The following CNOT1 variants were observed in gnomAD, a reference collection of about 807,000 sequenced individuals.
The protein encoded by CNOT1 is CCR4-associated factor 1.
CNOT1 carries 15 observed loss-of-function variants against 273.8 expected under a neutral mutation model. That is an observed-to-expected ratio of 0.05 (90% CI 0.04 to 0.08). The LOEUF is 0.08. Among genes scored for constraint, CNOT1 ranks in the 10% least tolerant of loss-of-function variants. The pLI is 1.00. For missense variants in CNOT1, 1,644 were observed against 2,912.2 expected (o/e 0.56, Z 10.02); for synonymous variants, 1,022 against 1,005.5 (o/e 1.02, Z -0.31).
intron 16 of CNOT1, among the ~76,000 whole-genome samples, chr16:58,562,296 G>A (rs1214418236): frequency 1.3e-5 from 2 of 150,490 alleles, no homozygotes; most frequent in Non-Finnish European, 3.0e-5. Context: ...TGAGGAAGGA[G>A]TTTCGAGACC....
chr16:58,568,338 A>T (rs2041134169), intron 16 of CNOT1, among the ~76,000 whole-genome samples: 1 of 151,572 alleles, frequency 6.6e-6, no homozygotes, highest in Admixed American at 6.6e-5. Context: ...ACTGCACTCC[A>T]GGCTGGGCAA....
chr16:58,553,690 C>A, intron 22 of CNOT1, 92 bp downstream of exon 22: 1 of 1,412,344 alleles, frequency 7.1e-7, no homozygotes, highest in Admixed American at 2.7e-5. Flanking sequence ...AATCTTAATG[C>A]CATTACTATC....
At chr16:58,575,211 A>C in intron 14 of CNOT1, 82 bp from the exon 15 acceptor site, 1 of 1,546,686 alleles carries the variant, frequency 6.5e-7, no homozygotes, top group South Asian at 1.2e-5. Flanking sequence ...TTCGCTTTCC[A>C]CAAACAAGTT....
At chr16:58,580,825 T>C in intron 11 of CNOT1, 65 bp from the exon 12 acceptor site, 1 of 1,460,504 alleles carries the variant, frequency 6.8e-7, no homozygotes, top group Non-Finnish European at 9.3e-7. Flanking sequence ...CTGAAATGTT[T>C]TCACTAGGCT....
chr16:58,566,086 T>C (rs2041031750), intron 16 of CNOT1, among the ~76,000 whole-genome samples: 1 of 152,234 alleles, frequency 6.6e-6, no homozygotes, highest in Non-Finnish European at 1.5e-5. Context: ...AAACACATGA[T>C]GTAGGTTTCA....
At chr16:58,617,245 T>C (rs1276579189) in intron 1 of CNOT1, among the ~76,000 whole-genome samples, 1 of 152,008 alleles carries the variant, frequency 6.6e-6, no homozygotes, top group Non-Finnish European at 1.5e-5. Context: ...CCTGTAGCCC[T>C]GGCTACTTAG....
At chr16:58,537,321 G>T in intron 38 of CNOT1, 101 bp from the exon 39 acceptor site, 1 of 1,470,112 alleles carries the variant, frequency 6.8e-7, no homozygotes, top group East Asian at 2.4e-5. Flanking sequence ...CCACCAGAGT[G>T]GTTTACCACT....
intron 19 of CNOT1, 83 bp downstream of exon 19, chr16:58,556,764 T>C: frequency 3.3e-6 from 5 of 1,534,912 alleles, no homozygotes; most frequent in Non-Finnish European, 4.4e-6. Context: ...CATCAACACA[T>C]GGCCCTACTA....
At chr16:58,621,628 C>A (rs1364842717) in intron 1 of CNOT1, among the ~76,000 whole-genome samples, 2 of 150,666 alleles carry the variant, frequency 1.3e-5, no homozygotes, top group Admixed American at 6.6e-5. Context: ...ACAGAATATA[C>A]ACCACCATGG....
chr16:58,585,410 C>T lies in CNOT1; in HGVS notation c.734G>A (p.Gly245Glu), dbSNP rs1241800595. The T allele has an allele frequency of 3.7e-6, 6 of 1,613,854 alleles. No individual in the cohort carries two copies. Among genetic ancestry groups the T allele is most frequent in the African/African-American group, 1.3e-5 (1 of 75,012 alleles). Residue 245 changes from glycine to glutamate, a missense_variant, in exon 8 of 49, where the codon GGG (glycine) becomes GAG (glutamate). Physicochemically the swap from Gly to Glu is moderately conservative, Grantham distance 98 (BLOSUM62 -2). Transcript: ENST00000317147. ...GCTCTCCATCATGGTTTTAGCTACC[C>T]CTCCGGAATCAGGCAGGATCCTGTC... ...LMDRILPDSG[G>E]VAKTMMESSL...
At chr16:58,578,505 C>G (rs940868243) in intron 13 of CNOT1, among the ~76,000 whole-genome samples, 194 bp downstream of exon 13, 1 of 151,414 alleles carries the variant, frequency 6.6e-6, no homozygotes, top group Admixed American at 6.6e-5. Flanking sequence ...TATTTTGCCT[C>G]CTTGCTTTTG....
At chr16:58,595,177 T>C (rs1436220641) in intron 2 of CNOT1, among the ~76,000 whole-genome samples, 1 of 146,930 alleles carries the variant, frequency 6.8e-6, no homozygotes, top group Non-Finnish European at 1.5e-5. Flanking sequence ...ATGTGAAAAA[T>C]AAAGGAACCA....
chr16:58,547,736 T>C lies in CNOT1; in HGVS notation c.3523-54A>G. 1 of 1,534,440 alleles carries C rather than the reference T, an allele frequency of 6.5e-7. No homozygotes were observed. The highest frequency in any genetic ancestry group is 1.2e-5 in the South Asian group (1 of 83,340). On this transcript the variant is annotated intron_variant, in intron 25 of 48. Transcript: ENST00000317147. This position sits in a 1 kb window ranked among gnomAD's most constrained non-coding sequence, Gnocchi z 4.0. ...TGAGAATAAGCTTATGAAAGAAAAC[T>C]CAACTAAGTATTTGAGAATTCCATT...
chr16:58,536,727 T>A (rs2039941904), intron 39 of CNOT1, among the ~76,000 whole-genome samples: 1 of 152,216 alleles, frequency 6.6e-6, no homozygotes, highest in Non-Finnish European at 1.5e-5. Flanking sequence ...TTATTCATTA[T>A]CTGACCCATT....
chr16:58,557,086 A>T (rs1323486585), intron 18 of CNOT1, 93 bp from the exon 19 acceptor site: 3 of 1,439,536 alleles, frequency 2.1e-6, no homozygotes, highest in African/African-American at 1.4e-5. Context: ...AGACTTTTAA[A>T]ATAAAGTCAT....
chr16:58,560,535 C>CGATT (rs2040799421), intron 16 of CNOT1, among the ~76,000 whole-genome samples, 173 bp from the exon 17 acceptor site: 1 of 151,880 alleles, frequency 6.6e-6, no homozygotes, highest in Non-Finnish European at 1.5e-5. Context: ...CGGGTTCAAG[C>CGATT]GATTCTTCTG....
chr16:58,530,425 A>G (rs2039741897), intron 42 of CNOT1, 78 bp from the exon 43 acceptor site: 1 of 930,662 alleles, frequency 1.1e-6, no homozygotes, highest in Non-Finnish European at 1.7e-6. Flanking sequence ...AAGCAGCTAC[A>G]CTGACTTATC....
At position 58,558,641 on chromosome 16, in the gene CNOT1, T is replaced by C; in HGVS notation, c.2164A>G (p.Ile722Val). Residue 722 changes from isoleucine (I) to valine (V), a missense_variant, in exon 18 of 49, where the codon ATA (isoleucine) becomes GTA (valine). By Grantham distance (29) the Ile-to-Val change is conservative (BLOSUM62 3). Transcript: ENST00000317147. Reference protein sequence around the residue: ...DPLAGMTSLSIGGSAAPHTQS... With the variant: ...DPLAGMTSLSVGGSAAPHTQS... The stretch of plus-strand genomic sequence containing the variant: ...GTGTGAGGGGCAGCTGAACCACCTA[T>C]ACTAAGAGATGTCATTCCAGCAAGA... The C allele has an allele frequency of 1.2e-6, 2 of 1,613,864 alleles. No homozygotes were observed. The highest frequency in any genetic ancestry group is 1.1e-5 in the South Asian group (1 of 91,028).
chr16:58,589,412 C>T (rs193107412), intron 2 of CNOT1, among the ~76,000 whole-genome samples: 1 of 152,188 alleles, frequency 6.6e-6, no homozygotes, highest in Admixed American at 6.5e-5. Context: ...ACTCGCGAGG[C>T]TGAGGCAGGA....
Sources: allele counts gnomAD v4.1 joint callset (sites outside exome capture counted in the v4.1 genomes callset), GRCh38; gene constraint gnomAD v4.1.1; non-coding constraint Gnocchi (gnomAD v3.1); transcripts MANE v1.5; gene names NCBI Gene and HGNC (gene_info 2026-07-23, HGNC 2026-07-21).